The following EFL1 variants were observed in gnomAD, a reference collection of about 807,000 sequenced individuals.
EFL1 encodes elongation factor like GTPase 1, also known as elongation factor-like GTPase 1.
Under a neutral mutation model 126.7 loss-of-function variants are expected in EFL1, and 76 were observed. That is an observed-to-expected ratio of 0.60 (90% confidence interval 0.50 to 0.73). EFL1 has a LOEUF of 0.73. Ranked by LOEUF, EFL1 falls within the 30% of genes least tolerant of loss-of-function variation. EFL1 has a pLI of 0.00. For synonymous variants in EFL1, 410 were observed against 448.4 expected (o/e 0.91, Z 1.08); for missense variants, 1,128 against 1,343.2 (o/e 0.84, Z 2.50).
At chr15:82,204,548 T>C (rs550543439) in intron 15 of EFL1, among the ~76,000 whole-genome samples, 42 of 152,338 alleles carry the variant, frequency 2.8e-4, no homozygotes, top group African/African-American at 9.9e-4. Context: ...TCTGAACTTA[T>C]CAACCAAAAG....
intron 4 of EFL1, among the ~76,000 whole-genome samples, chr15:82,249,906 A>G (rs1486893196): frequency 6.6e-6 from 1 of 152,150 alleles, no homozygotes; most frequent in African/African-American, 2.4e-5. Context: ...ATAAGACCCT[A>G]TATTTCAACC....
intron 15 of EFL1, among the ~76,000 whole-genome samples, chr15:82,167,880 A>T (rs991939676): frequency 6.6e-6 from 1 of 152,252 alleles, no homozygotes; most frequent in Non-Finnish European, 1.5e-5. Context: ...TTTATTTCAA[A>T]CTGACTTTAA....
At chr15:82,237,498 G>A (rs904763540) in intron 7 of EFL1, among the ~76,000 whole-genome samples, 2 of 152,150 alleles carry the variant, frequency 1.3e-5, no homozygotes, top group Non-Finnish European at 2.9e-5. Flanking sequence ...AAATGAAAAC[G>A]GTGACAACAC....
intron 15 of EFL1, among the ~76,000 whole-genome samples, chr15:82,203,108 G>C (rs961823024): frequency 3.9e-5 from 6 of 152,034 alleles, no homozygotes; most frequent in African/African-American, 1.4e-4. Context: ...ACCACGCCCA[G>C]ACTGTTCCCT....
chr15:82,169,615 A>C (rs1384416973), intron 15 of EFL1, among the ~76,000 whole-genome samples: 1 of 152,116 alleles, frequency 6.6e-6, no homozygotes, highest in Admixed American at 6.5e-5. Flanking sequence ...TGTAATAAAC[A>C]TTTGAACTCT....
chr15:82,143,029 T>A (rs1693740568), intron 18 of EFL1, among the ~76,000 whole-genome samples: 1 of 152,232 alleles, frequency 6.6e-6, no homozygotes, highest in South Asian at 2.1e-4. Flanking sequence ...GATTAACCTG[T>A]ACATTCTACA....
At chr15:82,210,048 T>C (rs1012760948) in intron 15 of EFL1, among the ~76,000 whole-genome samples, 4 of 152,240 alleles carry the variant, frequency 2.6e-5, no homozygotes, top group African/African-American at 9.6e-5. Flanking sequence ...TAAATAGGAA[T>C]TACAACTTTT....
Position 82,262,725 on chromosome 15 carries a change from G to A in EFL1, c.-131C>T, listed in dbSNP as rs180979101. 11 of 886,250 alleles carry A rather than the reference G, an allele frequency of 1.2e-5. No homozygotes were observed. The South Asian group carries it at 1.9e-4, about 15-fold the overall frequency. The allele number at this position is 886,250 out of a possible 1,614,324, so 54.9% of individuals were successfully genotyped here. On this transcript the variant is annotated 5_prime_UTR_variant, in exon 1 of 20. Coordinates refer to ENST00000268206, the MANE Select transcript of EFL1 (RefSeq NM_024580.6). The stretch of plus-strand genomic sequence containing the variant: ...CCGACACGCCCGCGCGCCAGGGGGC[G>A]GGGCCGGCTGTCGCTCGACCTTTCA...
chr15:82,202,492 T>C (rs755159684), intron 15 of EFL1, among the ~76,000 whole-genome samples: 1 of 152,136 alleles, frequency 6.6e-6, no homozygotes, highest in East Asian at 1.9e-4. Flanking sequence ...TTAATTGACA[T>C]TTTGCTTTTT....
chr15:82,261,746 T>C lies in EFL1; in HGVS notation c.33A>G (p.Gln11=). The C allele has an allele frequency of 6.2e-7, 1 of 1,614,066 alleles. No homozygotes were observed. The highest frequency in any genetic ancestry group is 8.5e-7 in the Non-Finnish European group (1 of 1,180,000). The part of the protein sequence containing the change: MVLNSLDKMI[Q]LQKNTANIRN... ...TGATGTTGGCAGTGTTTTTCTGGAG[T>C]TGAATCATCTTATCCAAACTGTTGA... is the stretch of plus-strand genomic sequence containing the variant. Residue 11 remains glutamine (Q), a synonymous_variant, in exon 2 of 20, where the codon CAA becomes CAG. Coordinates refer to ENST00000268206, the MANE Select transcript of EFL1 (RefSeq NM_024580.6).
At chr15:82,162,847 A>C (rs972891590) in intron 16 of EFL1, among the ~76,000 whole-genome samples, 3 of 152,216 alleles carry the variant, frequency 2.0e-5, no homozygotes, top group Admixed American at 2.0e-4. Flanking sequence ...GTTCAGGAGC[A>C]ATGAGGCCAT....
intron 14 of EFL1, among the ~76,000 whole-genome samples, chr15:82,217,373 GAAAAAAAA>G: frequency 1.3e-3 from 35 of 27,156 alleles, no homozygotes; most frequent in African/African-American, 3.4e-3. Flanking sequence ...GATTAGATTT[GAAAAAAAA>G]AAAAAAAAAA....
chr15:82,197,282 T>C (rs184040040), intron 15 of EFL1, among the ~76,000 whole-genome samples: 4 of 152,196 alleles, frequency 2.6e-5, no homozygotes, highest in Admixed American at 6.5e-5. Context: ...GGACAGAAAA[T>C]TTACCTTTGA....
chr15:82,234,109 T>C (rs889367627), intron 7 of EFL1, among the ~76,000 whole-genome samples: 1 of 152,200 alleles, frequency 6.6e-6, no homozygotes, highest in Non-Finnish European at 1.5e-5. Context: ...TTTCTCCCTA[T>C]TCCCTGTCCT....
rs199659645 is a variant in EFL1 at position 82,252,757 on chromosome 15, T to C, written c.178A>G (p.Arg60Gly). The C allele has an allele frequency of 1.8e-4, 286 of 1,605,406 alleles. 1 individual carries two copies. Among genetic ancestry groups the C allele is most frequent in the Admixed American group, 1.0e-3 (60 of 59,996 alleles). The stretch of plus-strand genomic sequence containing the variant: ...ATCCCTCGGATCTGTTCATCTTCTC[T>C]GCTGTCCATGTACCTTAACTGGAAA... Reference protein sequence around the residue: ...LAGKLRYMDSREDEQIRGITM... With the variant: ...LAGKLRYMDSGEDEQIRGITM... The change falls in exon 4 of 20, where the codon AGA becomes GGA. Residue 60 changes from arginine (R) to glycine (G), a missense_variant. Coordinates refer to ENST00000268206, the MANE Select transcript of EFL1 (RefSeq NM_024580.6).
At chr15:82,241,796 C>T (rs2074933898) in intron 4 of EFL1, among the ~76,000 whole-genome samples, 1 of 152,194 alleles carries the variant, frequency 6.6e-6, no homozygotes, top group Non-Finnish European at 1.5e-5. Flanking sequence ...AAGGGCCTGA[C>T]AGTAAGAGCT....
intron 8 of EFL1, among the ~76,000 whole-genome samples, chr15:82,230,115 C>T (rs1450867685): frequency 1.3e-5 from 2 of 152,070 alleles, no homozygotes; most frequent in Non-Finnish European, 2.9e-5. Context: ...AAAAGGGCAG[C>T]TACGTTGTAT....
intron 14 of EFL1, among the ~76,000 whole-genome samples, chr15:82,217,346 A>ATT (rs1567067086): frequency 6.7e-6 from 1 of 148,474 alleles, no homozygotes; most frequent in Non-Finnish European, 1.5e-5. Flanking sequence ...ATATACAAAA[A>ATT]TAATCAAGGT....
At chr15:82,230,470 T>C (rs1406809469) in intron 8 of EFL1, among the ~76,000 whole-genome samples, 1 of 152,050 alleles carries the variant, frequency 6.6e-6, no homozygotes, top group Non-Finnish European at 1.5e-5. Context: ...CAGCTGACAC[T>C]AGAAAGACAG....
Sources: gnomAD v4.1 joint callset for allele counts (sites outside exome capture counted in the v4.1 genomes callset) on GRCh38, gnomAD v4.1.1 for gene constraint, MANE v1.5 for transcripts, NCBI Gene and HGNC (gene_info 2026-07-23, HGNC 2026-07-21) for gene names.